Variants in GCA observed in about 807,000 individuals in gnomAD.
GCA encodes grancalcin, EF-hand calcium-binding protein.
In GCA, 30 loss-of-function variants were observed where a neutral mutation model predicts 32.6. The observed-to-expected ratio is 0.92, with a 90% CI of 0.69 to 1.25. The LOEUF is 1.25. Ranked by LOEUF, GCA falls within the 50% of genes most tolerant of loss-of-function variation. GCA has a pLI of 0.00. For synonymous variants in GCA, 102 were observed against 84.6 expected, an observed-to-expected ratio of 1.21 and a Z score of -1.13; for missense variants, 291 against 266.8, an observed-to-expected ratio of 1.09 and a Z score of -0.63.
intron 1 of GCA, chr2:162,319,233 C>T: frequency 2.2e-6 from 1 of 456,706 alleles, no homozygotes; most frequent in Non-Finnish European, 4.4e-6. Context: ...GAGGTGGGTT[C>T]GAAAAAGTGA....
At position 162,344,174 on chromosome 2, in the gene GCA, C is replaced by T. The variant is rs1463664818; in HGVS notation, c.-75C>T. 3 of 1,547,082 alleles carry T rather than the reference C, an allele frequency of 1.9e-6. No homozygotes were observed. The highest frequency in any genetic ancestry group is 2.7e-5 in the African/African-American group (2 of 73,676). On this transcript the variant is annotated 5_prime_UTR_variant, in exon 1 of 8. Transcript: ENST00000437150. ...CACCTGCAGCTGCGCCTCCTTGCAC[C>T]TGCGCCTGTGCTTTTTCTCCCAGCA...
intron 7 of GCA, among the ~76,000 whole-genome samples, chr2:162,359,879 C>T (rs991258039): frequency 2.0e-5 from 3 of 150,914 alleles, no homozygotes; most frequent in African/African-American, 7.3e-5. Flanking sequence ...TATTTTTTCT[C>T]AGGGAGGGAA....
chr2:162,350,608 A>G (rs1361222092), intron 2 of GCA, among the ~76,000 whole-genome samples: 4 of 152,206 alleles, frequency 2.6e-5, no homozygotes, highest in Admixed American at 6.5e-5. Context: ...CATCATATAA[A>G]ATTACAACTT....
downstream of GCA, chr2:162,373,349 G>C (rs1340731981): frequency 1.7e-6 from 1 of 592,522 alleles, no homozygotes; most frequent in Non-Finnish European, 2.7e-6. Context: ...TTCTATTTGA[G>C]TAGAAACAGA....
chr2:162,352,113 A>G (rs1685030994), intron 2 of GCA, among the ~76,000 whole-genome samples: 1 of 152,178 alleles, frequency 6.6e-6, no homozygotes, highest in Admixed American at 6.5e-5. Flanking sequence ...ATTATAGAAC[A>G]GGGTAATTGT....
downstream of GCA, among the ~76,000 whole-genome samples, chr2:162,364,739 G>A (rs956569395): frequency 6.6e-6 from 1 of 151,412 alleles, no homozygotes; most frequent in Non-Finnish European, 1.5e-5. Flanking sequence ...GCAACAGGGG[G>A]AGGAATTAAG....
intron 1 of GCA, among the ~76,000 whole-genome samples, chr2:162,327,647 AGGC>A (rs1683933109): frequency 6.6e-6 from 1 of 152,122 alleles, no homozygotes; most frequent in Non-Finnish European, 1.5e-5. Flanking sequence ...AGGCACGCCT[AGGC>A]AGCTGAGCTG....
downstream of GCA, among the ~76,000 whole-genome samples, chr2:162,364,390 AG>A (rs1169300796): frequency 9.2e-5 from 14 of 151,504 alleles, no homozygotes; most frequent in African/African-American, 3.4e-4. Context: ...AATTTCCCAT[AG>A]CTATCTATTT....
At chr2:162,331,823 G>A (rs1333532942) in intron 1 of GCA, among the ~76,000 whole-genome samples, 1 of 152,108 alleles carries the variant, frequency 6.6e-6, no homozygotes. Flanking sequence ...TTGGAAACTG[G>A]ATTATGTTTT....
rs1685547458 is a variant in GCA, at chr2:162,361,016, T to G, written c.*773T>G. 3 of 1,025,504 alleles carry G rather than the reference T, an allele frequency of 2.9e-6. No homozygotes were observed. Among genetic ancestry groups the G allele is most frequent in the South Asian group, 9.5e-5 (2 of 21,092 alleles). 63.5% of individuals were successfully genotyped at this position (1,025,504 alleles called of 1,614,324 possible). On this transcript the variant is annotated 3_prime_UTR_variant, in exon 8 of 8. Coordinates refer to ENST00000437150, the MANE Select transcript of GCA (RefSeq NM_012198.5). ...CTAGACTTTTTAGAAATGGCATATG[T>G]TTTTGATGATATGTCAACATTCAAA...
rs1685634322 is a variant in GCA, at chr2:162,362,866, C to A, written c.*2623C>A. 6.6e-6 allele frequency among the ~76,000 whole-genome samples: 1 copy of A among 151,210 alleles called. No individual in the cohort carries two copies. Among genetic ancestry groups the A allele is most frequent in the Non-Finnish European group, 1.5e-5 (1 of 67,500 alleles). Reference sequence around the variant, plus strand: ...ACTTTAAATGTAATTTCAAGGATTTCTCATTTGACCTATTTACACATGCAT... The same window carrying A: ...ACTTTAAATGTAATTTCAAGGATTTATCATTTGACCTATTTACACATGCAT... On this transcript the variant is annotated 3_prime_UTR_variant, in exon 8 of 8. Transcript: ENST00000437150.
At chr2:162,346,005 A>G (rs1474137137) in intron 1 of GCA, among the ~76,000 whole-genome samples, 1 of 152,158 alleles carries the variant, frequency 6.6e-6, no homozygotes, top group African/African-American at 2.4e-5. Flanking sequence ...CATTTCCAAT[A>G]GATTTTTACT....
chr2:162,335,428 A>G (rs2105283068), intron 1 of GCA, among the ~76,000 whole-genome samples: 1 of 151,932 alleles, frequency 6.6e-6, no homozygotes, highest in East Asian at 1.9e-4. Flanking sequence ...AAAAAAAAAA[A>G]AAAAAGGACC....
At chr2:162,353,689 T>C (rs1240076854) in intron 3 of GCA, among the ~76,000 whole-genome samples, 1 of 152,232 alleles carries the variant, frequency 6.6e-6, no homozygotes, top group East Asian at 1.9e-4. Context: ...TATTCCTCTC[T>C]GGAAACTTGT....
chr2:162,364,680 A>G (rs1319823262), downstream of GCA, among the ~76,000 whole-genome samples: 2 of 151,506 alleles, frequency 1.3e-5, no homozygotes, highest in Non-Finnish European at 3.0e-5. Context: ...TTTTATTTAC[A>G]AGTTTTCTTG....
In GCA at chr2:162,361,338, G is replaced by A; in HGVS notation, c.*1095G>A. The stretch of plus-strand genomic sequence containing the variant: ...GTGTTTAATATCCCTGGTATAAGAT[G>A]TTATAATTAATGTAATTTCTTTCTT... On this transcript the variant is annotated 3_prime_UTR_variant, in exon 8 of 8. Coordinates refer to ENST00000437150, the MANE Select transcript of GCA (RefSeq NM_012198.5). 1 of 982,116 alleles carries A rather than the reference G, an allele frequency of 1.0e-6. No individual in the cohort carries two copies. Among genetic ancestry groups the A allele is most frequent in the Non-Finnish European group, 1.2e-6 (1 of 827,144 alleles). 60.8% of individuals were successfully genotyped at this position (982,116 alleles called of 1,614,324 possible).
chr2:162,342,632 G>A (rs1045734239), upstream of GCA, among the ~76,000 whole-genome samples: 6 of 152,202 alleles, frequency 3.9e-5, no homozygotes, highest in Non-Finnish European at 8.8e-5. Context: ...GTGCAGAAAG[G>A]CAAGAAACCC....
upstream of GCA, among the ~76,000 whole-genome samples, chr2:162,339,712 G>C (rs1408980295): frequency 1.3e-5 from 2 of 152,188 alleles, no homozygotes; most frequent in Non-Finnish European, 2.9e-5. Flanking sequence ...ACCAAGCAAA[G>C]GTCATGTGAG....
In GCA at chr2:162,359,091, A is replaced by G. The variant is rs146161584; in HGVS notation, c.502A>G (p.Ser168Gly). Residue 168 changes from serine (S) to glycine (G), a missense_variant, in exon 6 of 8, where the codon AGC becomes GGC. Transcript: ENST00000437150. Reference protein sequence around the residue: ...QTLTTIVKRYSKNGRIFFDDY... With the variant: ...QTLTTIVKRYGKNGRIFFDDY... ...ATTAACTACTATTGTTAAACGTTAT[A>G]GCAAGAATGGCAGAATTTTCTTTGA... is the stretch of plus-strand genomic sequence containing the variant. 907 of 1,606,262 alleles carry G rather than the reference A, an allele frequency of 5.6e-4. 7 individuals carry two copies. The African/African-American group carries it at 0.011, about 19-fold the overall frequency.
Sources: gnomAD v4.1 joint callset for allele counts (sites outside exome capture counted in the v4.1 genomes callset) on GRCh38, gnomAD v4.1.1 for gene constraint, MANE v1.5 for transcripts, NCBI Gene and HGNC (gene_info 2026-07-23, HGNC 2026-07-21) for gene names.